The following CEP63 variants were observed in gnomAD, a reference collection of about 807,000 sequenced individuals.
CEP63 encodes the protein centrosomal protein of 63 kDa.
CEP63 carries 84 observed loss-of-function variants against 89.1 expected under a neutral mutation model. The observed-to-expected ratio is 0.94, with a 90% CI of 0.79 to 1.13. The LOEUF is 1.13. Ranked by LOEUF, CEP63 falls within the 50% of genes most tolerant of loss-of-function variation. The pLI is 0.00. For missense variants in CEP63, 838 were observed against 813.3 expected (o/e 1.03, Z -0.37); for synonymous variants, 267 against 272.5 (o/e 0.98, Z 0.20).
At chr3:134,553,668 C>CA (rs1955433629) in intron 12 of CEP63, 1 of 152,122 alleles carries the variant, frequency 6.6e-6, no homozygotes, top group Non-Finnish European at 1.5e-5. Context: ...TGTAAGGAAA[C>CA]AGACTTATTG....
chr3:134,689,081 T>C, the CEP63 span, among the ~76,000 whole-genome samples: 12 of 152,218 alleles, frequency 7.9e-5, no homozygotes, highest in Non-Finnish European at 1.6e-4. Context: ...CCAGCTTGTG[T>C]ATGAAATGAT....
chr3:134,494,393 G>A (rs1033773670), intron 1 of CEP63, among the ~76,000 whole-genome samples: 9 of 151,964 alleles, frequency 5.9e-5, no homozygotes, highest in Non-Finnish European at 8.8e-5. Flanking sequence ...AGGATTACAG[G>A]CGTGAGCCAC....
chr3:134,552,861 G>C (rs984869171), intron 12 of CEP63: 1 of 151,960 alleles, frequency 6.6e-6, no homozygotes, highest in Non-Finnish European at 1.5e-5. Flanking sequence ...AGAGATTTTG[G>C]ATCAGCTGCA....
chr3:134,531,845 G>T lies in CEP63; in HGVS notation c.223G>T (p.Val75Phe), dbSNP rs1405818539. 2 of 1,611,002 alleles carry T rather than the reference G, an allele frequency of 1.2e-6. No homozygotes were observed. The highest frequency in any genetic ancestry group is 1.3e-5 in the African/African-American group (1 of 74,824). The change falls in exon 4 of 15, where the codon GTT becomes TTT. Residue 75 changes from valine to phenylalanine, a missense_variant and splice_region_variant. Physicochemically the swap from Val to Phe is conservative, Grantham distance 50 (BLOSUM62 -1). Coordinates refer to ENST00000675561, the MANE Select transcript of CEP63 (RefSeq NM_001353108.3). ...RSQLDVTHKE[V>F]GMLHQQVEEH... ...AATACTACCACCTTTCTGCTTTTAG[G>T]TTGGAATGTTGCATCAGCAGGTAGA...
the CEP63 span, among the ~76,000 whole-genome samples, chr3:134,760,128 G>C: frequency 4.1e-5 from 6 of 148,116 alleles, no homozygotes; most frequent in Admixed American, 1.4e-4. Flanking sequence ...GCGCGATCTC[G>C]GCTCACTGCA....
At chr3:134,722,783 C>A in the CEP63 span, among the ~76,000 whole-genome samples, 1 of 152,108 alleles carries the variant, frequency 6.6e-6, no homozygotes, top group Non-Finnish European at 1.5e-5. Flanking sequence ...ATATATTCAG[C>A]CTGTTGATAC....
the CEP63 span, among the ~76,000 whole-genome samples, chr3:134,704,894 C>G: frequency 6.6e-6 from 1 of 152,192 alleles, no homozygotes; most frequent in East Asian, 1.9e-4. Context: ...AAGAGAGAAA[C>G]TAGACCTACA....
At chr3:134,495,178 GA>G in intron 1 of CEP63, 117 bp from the exon 2 acceptor site, 1 of 758,168 alleles carries the variant, frequency 1.3e-6, no homozygotes, top group African/African-American at 1.7e-5. Context: ...GTCATCTTAA[GA>G]AGTGCTGCAT....
chr3:134,678,821 CCT>C, the CEP63 span, among the ~76,000 whole-genome samples: 1 of 152,220 alleles, frequency 6.6e-6, no homozygotes, highest in South Asian at 2.1e-4. Flanking sequence ...TCATGCACCC[CCT>C]CCACTTGGAA....
the CEP63 span, chr3:134,624,959 A>G: frequency 9.3e-7 from 1 of 1,080,188 alleles, no homozygotes; most frequent in Non-Finnish European, 1.4e-6. Flanking sequence ...GCCACTCAGG[A>G]TATGTTCAGG....
rs185583724 is a variant in CEP63 at position 134,587,378 on chromosome 3, G to C, written c.1207-80G>C. 3.6e-4 allele frequency among the ~76,000 whole-genome samples: 55 copies of C among 152,252 alleles called. No homozygotes were observed. In the East Asian group the frequency reaches 0.01, roughly 29 times the overall value. ...GTTGGTGACCTACATATGGGGTTTT[G>C]GTGTGGATGTCCTTTTTGTTGATGT... On this transcript the variant is annotated intron_variant, in intron 10 of 10. Transcript: ENST00000683931.
At chr3:134,740,997 C>G in the CEP63 span, among the ~76,000 whole-genome samples, 6 of 152,122 alleles carry the variant, frequency 3.9e-5, no homozygotes, top group Admixed American at 2.6e-4. Flanking sequence ...ACTCATCAAC[C>G]CTCTCTGTTA....
chr3:134,534,993 C>G (rs1950510871), intron 5 of CEP63, among the ~76,000 whole-genome samples: 1 of 152,140 alleles, frequency 6.6e-6, no homozygotes, highest in African/African-American at 2.4e-5. Flanking sequence ...ATGCCCTCCC[C>G]CTTTTCTACC....
rs536939985 is a variant in CEP63, at chr3:134,581,921, C to T, written c.1207-5537C>T. On this transcript the variant is annotated intron_variant, in intron 10 of 10. Transcript: ENST00000683931. ...CGATCTCCTGACCTCGTGATCCGCC[C>T]GCCTCGGCCTCCCAAAGTGCTGGGA... Among the ~76,000 whole-genome samples the T allele has an allele frequency of 9.7e-4, 147 of 151,760 alleles. 1 individual carries two copies. The highest frequency in any genetic ancestry group is 2.8e-3 in the Admixed American group (42 of 15,250).
At chr3:134,679,422 C>A in the CEP63 span, among the ~76,000 whole-genome samples, 3 of 152,182 alleles carry the variant, frequency 2.0e-5, no homozygotes, top group South Asian at 6.2e-4. Context: ...GAGCATCATG[C>A]AGGCAGTGGG....
the CEP63 span, among the ~76,000 whole-genome samples, chr3:134,757,894 G>A: frequency 6.6e-6 from 1 of 152,136 alleles, no homozygotes; most frequent in Non-Finnish European, 1.5e-5. Context: ...GGAATTTGGG[G>A]GGAATGGAAA....
intron 11 of CEP63, among the ~76,000 whole-genome samples, chr3:134,572,305 C>T (rs1219849316): frequency 6.6e-6 from 1 of 152,174 alleles, no homozygotes; most frequent in Non-Finnish European, 1.5e-5. Flanking sequence ...AGGTTTGTTA[C>T]ATGGGTGTAC....
chr3:134,707,771 A>G, the CEP63 span, among the ~76,000 whole-genome samples: 2 of 137,790 alleles, frequency 1.5e-5, no homozygotes, highest in African/African-American at 5.8e-5. Flanking sequence ...AACACAATTA[A>G]TGATGCTCAT....
intron 12 of CEP63, among the ~76,000 whole-genome samples, chr3:134,557,758 A>T (rs1031214011): frequency 6.6e-6 from 1 of 152,146 alleles, no homozygotes; most frequent in African/African-American, 2.4e-5. Context: ...CTTTCCTTGA[A>T]CTAGGTCTCC....
Sources: gnomAD v4.1 joint callset for allele counts (sites outside exome capture counted in the v4.1 genomes callset) on GRCh38, gnomAD v4.1.1 for gene constraint, MANE v1.5 for transcripts, NCBI Gene and HGNC (gene_info 2026-07-23, HGNC 2026-07-21) for gene names.